Variants in EXOC2 observed in about 807,000 individuals in gnomAD.
EXOC2 encodes the protein exocyst complex component 2, also known as SEC5-like 1.
Under a neutral mutation model 131.8 loss-of-function variants are expected in EXOC2, and 70 were observed. The ratio of observed to expected loss-of-function variants is 0.53; its 90% confidence interval spans 0.44 to 0.65. EXOC2 has a LOEUF of 0.65. Among genes scored for constraint, EXOC2 ranks in the 30% least tolerant of loss-of-function variants. EXOC2 has a pLI of 0.00. For missense variants in EXOC2, 923 were observed against 1,108.6 expected (o/e 0.83, Z 2.38); for synonymous variants, 411 against 398.4 (o/e 1.03, Z -0.38).
At chr6:589,617 C>T (rs1198171397) in intron 11 of EXOC2, among the ~76,000 whole-genome samples, 1 of 152,202 alleles carries the variant, frequency 6.6e-6, no homozygotes, top group African/African-American at 2.4e-5. Context: ...GTGTGTTTCT[C>T]CCTAGACCAC....
At position 513,455 on chromosome 6, in the gene EXOC2, C is replaced by A. The variant is rs563558266; in HGVS notation, c.2381-13755G>T. Among the ~76,000 whole-genome samples the A allele has an allele frequency of 7.9e-5, 12 of 152,360 alleles. 2 individuals are homozygous for A. In the South Asian group the frequency reaches 2.3e-3, roughly 29 times the overall value. On this transcript the variant is annotated intron_variant, in intron 23 of 27. Coordinates refer to ENST00000230449, the MANE Select transcript of EXOC2 (RefSeq NM_018303.6). ...ACACCAATTTTTCTTTTCATTAATA[C>A]AACCCGACCGTAGAGTACAAGAATA...
At chr6:598,153 T>A (rs748002650) in intron 9 of EXOC2, 30 bp from the exon 10 acceptor site, 2 of 1,536,760 alleles carry the variant, frequency 1.3e-6, no homozygotes, top group Admixed American at 3.7e-5. Context: ...TACACAAGAT[T>A]TACAGAATGA....
At chr6:550,462 A>G (rs1198639262) in intron 21 of EXOC2, among the ~76,000 whole-genome samples, 1 of 152,154 alleles carries the variant, frequency 6.6e-6, no homozygotes, top group Non-Finnish European at 1.5e-5. Context: ...CCTATTCACT[A>G]CCTGTTTCTA....
intron 3 of EXOC2, among the ~76,000 whole-genome samples, chr6:632,418 C>T (rs562059740): frequency 2.6e-5 from 4 of 152,042 alleles, no homozygotes; most frequent in South Asian, 2.1e-4. Flanking sequence ...AAGTGGTCAG[C>T]GCATAAAGAA....
At chr6:491,778 G>C (rs996191710) in intron 25 of EXOC2, among the ~76,000 whole-genome samples, 4 of 152,132 alleles carry the variant, frequency 2.6e-5, no homozygotes, top group Non-Finnish European at 5.9e-5. Context: ...AACAATCTTA[G>C]AGTAACACAT....
chr6:590,666 T>C (rs1008752357), intron 11 of EXOC2, among the ~76,000 whole-genome samples: 2 of 152,188 alleles, frequency 1.3e-5, no homozygotes, highest in Non-Finnish European at 2.9e-5. Flanking sequence ...TTCTGCTTCA[T>C]CTTGGAGATT....
intron 23 of EXOC2, among the ~76,000 whole-genome samples, chr6:526,010 A>G (rs1156997659): frequency 6.6e-6 from 1 of 152,248 alleles, no homozygotes; most frequent in Non-Finnish European, 1.5e-5. Context: ...GATTCTACAT[A>G]TATTAAAAAA....
chr6:577,261 C>T (rs1359386911), intron 11 of EXOC2, among the ~76,000 whole-genome samples: 1 of 152,134 alleles, frequency 6.6e-6, no homozygotes, highest in African/African-American at 2.4e-5. Context: ...CCACACTTTA[C>T]ACTTAAATCC....
chr6:600,350 C>T (rs1260292972), intron 7 of EXOC2, among the ~76,000 whole-genome samples: 3 of 152,078 alleles, frequency 2.0e-5, no homozygotes, highest in African/African-American at 7.2e-5. Context: ...TTCTTGCCAC[C>T]AAACCACACA....
At chr6:584,982 G>A (rs750553912) in intron 11 of EXOC2, among the ~76,000 whole-genome samples, 2 of 152,180 alleles carry the variant, frequency 1.3e-5, no homozygotes, top group African/African-American at 4.8e-5. Flanking sequence ...TTAACCAAAG[G>A]CTTTTCCTGG....
chr6:510,238 T>G (rs1445927751), intron 23 of EXOC2, among the ~76,000 whole-genome samples: 1 of 152,214 alleles, frequency 6.6e-6, no homozygotes, highest in African/African-American at 2.4e-5. Flanking sequence ...CAGGTTTTAG[T>G]GCCCTCATTC....
At chr6:537,071 T>C (rs1226159153) in intron 22 of EXOC2, among the ~76,000 whole-genome samples, 4 of 152,036 alleles carry the variant, frequency 2.6e-5, no homozygotes. Context: ...GAAAACCAAA[T>C]AAAGCAACAA....
At chr6:591,952 T>C (rs1026962310) in intron 11 of EXOC2, among the ~76,000 whole-genome samples, 3 of 152,218 alleles carry the variant, frequency 2.0e-5, no homozygotes, top group Non-Finnish European at 4.4e-5. Flanking sequence ...CTCTGAGACA[T>C]TCCCACACCA....
At chr6:524,865 T>C (rs1765657431) in intron 23 of EXOC2, 1 of 138,554 alleles carries the variant, frequency 7.2e-6, no homozygotes, top group Admixed American at 7.5e-5. Context: ...TTTTATTCCT[T>C]CCTTTAGATT....
At chr6:499,253 T>C (rs181338416) in intron 24 of EXOC2, among the ~76,000 whole-genome samples, 31 of 152,326 alleles carry the variant, frequency 2.0e-4, no homozygotes, top group Non-Finnish European at 3.1e-4. Context: ...AGGAATCAGA[T>C]ACCAGTGCTT....
intron 1 of EXOC2, chr6:656,040 A>T: frequency 8.4e-7 from 1 of 1,187,130 alleles, no homozygotes; most frequent in Non-Finnish European, 1.2e-6. Flanking sequence ...CAACCCAATT[A>T]ACTCAGGGTC....
chr6:552,448 C>A (rs1181611377), intron 21 of EXOC2, among the ~76,000 whole-genome samples: 2 of 152,328 alleles, frequency 1.3e-5, no homozygotes, highest in South Asian at 2.1e-4. Flanking sequence ...AACAGAAGAA[C>A]CAGCATTTTT....
intron 17 of EXOC2, among the ~76,000 whole-genome samples, chr6:558,642 T>A (rs566265828): frequency 4.3e-4 from 65 of 152,000 alleles, no homozygotes; most frequent in Non-Finnish European, 6.3e-4. Flanking sequence ...TGAAACCCCA[T>A]CTCTACTAAA....
chr6:673,065 C>G (rs539272287), intron 1 of EXOC2, among the ~76,000 whole-genome samples: 6 of 151,626 alleles, frequency 4.0e-5, no homozygotes, highest in Middle Eastern at 6.8e-3. Flanking sequence ...TTTGAGACCA[C>G]CCTGGCCAAC....
Sources: gnomAD v4.1 joint callset for allele counts (sites outside exome capture counted in the v4.1 genomes callset) on GRCh38, gnomAD v4.1.1 for gene constraint, MANE v1.5 for transcripts, NCBI Gene and HGNC (gene_info 2026-07-23, HGNC 2026-07-21) for gene names.